ARHGAP29: variants seen among roughly 807,000 people sequenced by gnomAD.
ARHGAP29 encodes Rho GTPase activating protein 29, also known as rho GTPase-activating protein 29.
ARHGAP29 carries 43 observed loss-of-function variants against 122.6 expected under a neutral mutation model. The observed-to-expected ratio is 0.35, with a 90% CI of 0.27 to 0.45. ARHGAP29 has a LOEUF of 0.45. ARHGAP29 is among the 20% of genes least tolerant of loss of function. The probability of loss-of-function intolerance (pLI) is 1.00; values close to 1 mark genes in which losing one functional copy is unlikely to be tolerated. For missense variants in ARHGAP29, 1,303 were observed against 1,477.2 expected, an observed-to-expected ratio of 0.88 and a Z score of 1.93; for synonymous variants, 506 against 497.1, an observed-to-expected ratio of 1.02 and a Z score of -0.24.
At chr1:94,183,653 A>G (rs757006634) in intron 19 of ARHGAP29, among the ~76,000 whole-genome samples, 27 of 152,216 alleles carry the variant, frequency 1.8e-4, no homozygotes, top group Non-Finnish European at 3.4e-4. Flanking sequence ...TGGCTATTTT[A>G]AAATATCAAC....
intron 5 of ARHGAP29, 110 bp from the exon 6 acceptor site, chr1:94,205,793 T>C (rs749242658): frequency 8.6e-6 from 8 of 930,370 alleles, no homozygotes; most frequent in Non-Finnish European, 1.3e-5. Flanking sequence ...CTAAAGAATT[T>C]CAAGTATTTA....
intron 2 of ARHGAP29, among the ~76,000 whole-genome samples, chr1:94,220,975 C>T (rs1283450127): frequency 1.3e-5 from 2 of 152,146 alleles, no homozygotes; most frequent in Admixed American, 1.3e-4. Flanking sequence ...CACATTCCTC[C>T]TTGGCCACAG....
intron 12 of ARHGAP29, among the ~76,000 whole-genome samples, chr1:94,196,503 C>T (rs187407937): frequency 2.5e-4 from 38 of 151,780 alleles, no homozygotes; most frequent in South Asian, 8.3e-4. Context: ...CCTCGTGATC[C>T]GCCCGCCTCG....
At chr1:94,256,963 T>C (rs761140898) in intron 1 of ARHGAP29, among the ~76,000 whole-genome samples, 2 of 152,192 alleles carry the variant, frequency 1.3e-5, no homozygotes, top group Non-Finnish European at 2.9e-5. Flanking sequence ...TATATACTTT[T>C]CAGGTTTTTT....
Position 94,169,883 on chromosome 1 carries a change from A to G in ARHGAP29, c.*3986T>C, listed in dbSNP as rs1296384153. 2.0e-5 allele frequency among the ~76,000 whole-genome samples: 3 copies of G among 152,202 alleles called. No homozygotes were observed. The highest frequency in any genetic ancestry group is 4.8e-5 in the African/African-American group (2 of 41,456). On this transcript the variant is annotated 3_prime_UTR_variant, in exon 23 of 23. Transcript: ENST00000260526. ...AGACTCCCAAAAACCAAATCGGGGA[A>G]AATTTCAGCATGAAAATAAGTGACA...
intron 12 of ARHGAP29, among the ~76,000 whole-genome samples, chr1:94,196,410 C>T (rs1008411494): frequency 1.0e-4 from 15 of 150,540 alleles, no homozygotes; most frequent in Non-Finnish European, 1.9e-4. Flanking sequence ...TACAGGCGCC[C>T]GCTACCACGC....
chr1:94,187,979 T>A (rs1009222647), intron 15 of ARHGAP29, among the ~76,000 whole-genome samples: 1 of 152,046 alleles, frequency 6.6e-6, no homozygotes, highest in Non-Finnish European at 1.5e-5. Context: ...TTCAGCAATA[T>A]GTAAAAGAAG....
Position 94,218,728 on chromosome 1 carries a change from T to G in ARHGAP29, c.340+1530A>C, listed in dbSNP as rs1038402831. Reference sequence around the variant, plus strand: ...TTCCCATTTAAAAATCATCTACATTTTTTTCAGTGTTTGAAATACAGAAAA... The same window carrying G: ...TTCCCATTTAAAAATCATCTACATTGTTTTCAGTGTTTGAAATACAGAAAA... On this transcript the variant is annotated intron_variant, in intron 3 of 22. Transcript: ENST00000260526. Among the ~76,000 whole-genome samples the G allele has an allele frequency of 3.3e-5, 5 of 152,194 alleles. No homozygotes were observed. In the East Asian group the frequency reaches 9.6e-4, roughly 29 times the overall value.
chr1:94,251,055 T>C (rs1654062861), intron 1 of ARHGAP29, among the ~76,000 whole-genome samples: 1 of 152,212 alleles, frequency 6.6e-6, no homozygotes, highest in South Asian at 2.1e-4. Context: ...CTTTACTCCG[T>C]GCTAGTAAAC....
chr1:94,178,172 A>C lies in ARHGAP29; in HGVS notation c.2481-5T>G, dbSNP rs1649228470. The stretch of plus-strand genomic sequence containing the variant: ...TCTTCTGCATGATCTACTACCCTGC[A>C]AAGTAGAACACATAAAGTTGTATGA... On this transcript the variant is annotated splice_polypyrimidine_tract_variant and splice_region_variant and intron_variant, in intron 20 of 22. Coordinates refer to ENST00000260526, the MANE Select transcript of ARHGAP29 (RefSeq NM_004815.4). 6.2e-7 allele frequency: 1 copy of C among 1,606,788 alleles called. No individual in the cohort carries two copies. Among genetic ancestry groups the C allele is most frequent in the African/African-American group, 1.3e-5 (1 of 74,530 alleles).
chr1:94,180,311 G>T (rs768437450), intron 19 of ARHGAP29, among the ~76,000 whole-genome samples: 2 of 152,002 alleles, frequency 1.3e-5, no homozygotes, highest in African/African-American at 2.4e-5. Context: ...TAAAACCCAG[G>T]ATAATGCACA....
At chr1:94,296,528 T>C in the ARHGAP29 span, among the ~76,000 whole-genome samples, 8 of 152,234 alleles carry the variant, frequency 5.3e-5, no homozygotes, top group African/African-American at 1.9e-4. Flanking sequence ...CTTTCAGGCA[T>C]CCACTAGGGG....
Position 94,237,494 on chromosome 1 carries a change from C to G in ARHGAP29, c.-112G>C. The G allele has an allele frequency of 1.0e-6, 1 of 989,492 alleles. No individual in the cohort carries two copies. The highest frequency in any genetic ancestry group is 1.7e-5 in the African/African-American group (1 of 57,330). The allele number at this position is 989,492 out of a possible 1,614,324, so 61.3% of individuals were successfully genotyped here. On this transcript the variant is annotated 5_prime_UTR_variant, in exon 1 of 23. Transcript: ENST00000260526. The stretch of plus-strand genomic sequence containing the variant: ...GCCGCCACCGCCGAGGGCTGGAGCT[C>G]GCTGCCCCCATCCCCCACGGCCTGC...
At chr1:94,299,559 C>T in the ARHGAP29 span, among the ~76,000 whole-genome samples, 5 of 152,116 alleles carry the variant, frequency 3.3e-5, no homozygotes, top group Admixed American at 6.5e-5. Context: ...TAGTACCAGA[C>T]ATTTCTGCCA....
chr1:94,256,722 C>T (rs557170889), intron 1 of ARHGAP29, among the ~76,000 whole-genome samples: 3 of 151,506 alleles, frequency 2.0e-5, no homozygotes, highest in African/African-American at 7.3e-5. Flanking sequence ...CCACGCCCGG[C>T]TAATTTATTG....
chr1:94,208,940 T>G, intron 4 of ARHGAP29, 36 bp from the exon 5 acceptor site: 1 of 1,564,000 alleles, frequency 6.4e-7, no homozygotes. Context: ...AGACAAGTCA[T>G]TATACTTCTT....
chr1:94,219,259 A>ACCCTGCACTTCTAAAAT (rs79344459), intron 3 of ARHGAP29, among the ~76,000 whole-genome samples: 3 of 152,036 alleles, frequency 2.0e-5, no homozygotes, highest in African/African-American at 4.8e-5. Flanking sequence ...ACTTCTTAAA[A>ACCCTGCACTTCTAAAAT]TCCATGTCAC....
the ARHGAP29 span, among the ~76,000 whole-genome samples, chr1:94,296,050 T>A: frequency 6.6e-6 from 1 of 152,172 alleles, no homozygotes; most frequent in Non-Finnish European, 1.5e-5. Context: ...GTAGTTCCCC[T>A]TATCCATGGT....
upstream of ARHGAP29, among the ~76,000 whole-genome samples, chr1:94,241,356 C>T (rs1653564768): frequency 6.6e-6 from 1 of 152,268 alleles, no homozygotes; most frequent in South Asian, 2.1e-4. Flanking sequence ...TGGCTCACGC[C>T]TGTAATCCCA....
Sources: gnomAD v4.1 joint callset for allele counts (sites outside exome capture counted in the v4.1 genomes callset) on GRCh38, gnomAD v4.1.1 for gene constraint, MANE v1.5 for transcripts, NCBI Gene and HGNC (gene_info 2026-07-23, HGNC 2026-07-21) for gene names.